The following GASK1A variants were observed in gnomAD, a reference collection of about 807,000 sequenced individuals.
The protein encoded by GASK1A is golgi associated kinase 1A, also known as Golgi-associated kinase 1A.
GASK1A carries 40 observed loss-of-function variants against 41.2 expected under a neutral mutation model. The ratio of observed to expected loss-of-function variants is 0.97; its 90% CI spans 0.75 to 1.27. The LOEUF (loss-of-function observed/expected upper bound fraction) is 1.27, where lower values mean the gene tolerates loss of function less well. Among genes scored for constraint, GASK1A ranks in the 50% most tolerant of loss-of-function variants. The pLI is 0.00. For synonymous variants in GASK1A, 316 were observed against 307.1 expected, an observed-to-expected ratio of 1.03 and a Z score of -0.30; for missense variants, 678 against 745.1, an observed-to-expected ratio of 0.91 and a Z score of 1.05.
intron 1 of GASK1A, among the ~76,000 whole-genome samples, chr3:42,987,307 G>A (rs769517046): frequency 3.3e-5 from 5 of 152,228 alleles, no homozygotes; most frequent in Non-Finnish European, 5.9e-5. Flanking sequence ...CACACAAAGT[G>A]GAGAGGAAGG....
chr3:43,015,107 CTG>C (rs1302400783), intron 1 of GASK1A, among the ~76,000 whole-genome samples: 1 of 135,774 alleles, frequency 7.4e-6, no homozygotes, highest in African/African-American at 2.8e-5. Context: ...GGAAGGGGCT[CTG>C]TGACATCACA....
At chr3:43,035,995 T>C (rs939498101) in intron 2 of GASK1A, among the ~76,000 whole-genome samples, 1 of 152,188 alleles carries the variant, frequency 6.6e-6, no homozygotes, top group Admixed American at 6.5e-5. Context: ...GGGATGCCTG[T>C]AGGGGTGTCC....
At chr3:43,031,272 G>T (rs2089574586) in intron 1 of GASK1A, among the ~76,000 whole-genome samples, 1 of 152,138 alleles carries the variant, frequency 6.6e-6, no homozygotes, top group African/African-American at 2.4e-5. Flanking sequence ...ACTCCCAACT[G>T]CAGGCTTGCA....
chr3:42,996,805 C>T (rs1028868438), intron 1 of GASK1A, among the ~76,000 whole-genome samples: 2 of 152,192 alleles, frequency 1.3e-5, no homozygotes, highest in Non-Finnish European at 2.9e-5. Flanking sequence ...TCCCTGTGAC[C>T]ATTTGGGTGT....
intron 1 of GASK1A, among the ~76,000 whole-genome samples, chr3:43,005,550 G>T (rs1437063577): frequency 3.9e-5 from 6 of 152,156 alleles, no homozygotes; most frequent in Non-Finnish European, 7.4e-5. Flanking sequence ...TTGGAGTACT[G>T]CATTGCCCAT....
chr3:43,042,435 A>G (rs990404298), intron 2 of GASK1A, among the ~76,000 whole-genome samples: 39 of 152,068 alleles, frequency 2.6e-4, no homozygotes, highest in African/African-American at 9.2e-4. Flanking sequence ...GTGAGCTGTG[A>G]TCATGCCACT....
rs116324858 is a variant in GASK1A at position 43,010,857 on chromosome 3, C to A, written c.4-21410C>A. ...TAAGCAGCAGAACCTGGGCAGACAG[C>A]CATGGACACATGGATGGCTCCTCCT... On this transcript the variant is annotated intron_variant, in intron 1 of 4. Transcript: ENST00000430121. Among the ~76,000 whole-genome samples the A allele has an allele frequency of 3.5e-3, 536 of 152,282 alleles. 3 individuals are homozygous for A. The highest frequency in any genetic ancestry group is 0.012 in the African/African-American group (511 of 41,554).
chr3:43,012,437 A>G (rs2089468405), intron 1 of GASK1A, among the ~76,000 whole-genome samples: 1 of 151,826 alleles, frequency 6.6e-6, no homozygotes, highest in South Asian at 2.1e-4. Context: ...GTTAAGCCAC[A>G]GGAAGGGGCA....
At chr3:43,043,486 T>C (rs555632840) in intron 2 of GASK1A, among the ~76,000 whole-genome samples, 2 of 152,324 alleles carry the variant, frequency 1.3e-5, no homozygotes, top group African/African-American at 4.8e-5. Flanking sequence ...CAATTTGTTC[T>C]TGCATCCAAA....
chr3:43,024,672 G>GAAC (rs888183535), intron 1 of GASK1A, among the ~76,000 whole-genome samples: 1 of 152,144 alleles, frequency 6.6e-6, no homozygotes, highest in Non-Finnish European at 1.5e-5. Flanking sequence ...ACAGGCCAGG[G>GAAC]AACAGTGTTT....
intron 1 of GASK1A, among the ~76,000 whole-genome samples, chr3:42,998,649 G>A (rs2089389710): frequency 1.3e-5 from 2 of 152,142 alleles, no homozygotes; most frequent in African/African-American, 4.8e-5. Context: ...GCAGGGGAGG[G>A]GGTCTCTGTC....
chr3:43,038,601 T>TA (rs34163186), intron 2 of GASK1A, among the ~76,000 whole-genome samples: 139,452 of 148,174 alleles, frequency 0.94, 65,846 homozygotes, highest in Non-Finnish European at 0.98. Flanking sequence ...CTTTGATCTT[T>TA]AAAAAAAAAA....
At chr3:42,983,795 G>T (rs2089293516) in intron 1 of GASK1A, among the ~76,000 whole-genome samples, 1 of 152,184 alleles carries the variant, frequency 6.6e-6, no homozygotes, top group Admixed American at 6.5e-5. Context: ...CCCAGGCTTT[G>T]TGCAGGGCTG....
At chr3:42,994,867 A>G (rs1047481130) in intron 1 of GASK1A, among the ~76,000 whole-genome samples, 3 of 152,160 alleles carry the variant, frequency 2.0e-5, no homozygotes, top group African/African-American at 7.2e-5. Context: ...TACATCTTAT[A>G]TTCAAATATC....
At chr3:43,046,906 G>A (rs1430478938) in intron 2 of GASK1A, among the ~76,000 whole-genome samples, 1 of 152,232 alleles carries the variant, frequency 6.6e-6, no homozygotes, top group Non-Finnish European at 1.5e-5. Context: ...CCTCCACGTG[G>A]TGTTGCACCT....
At chr3:43,029,187 C>A (rs1486286642) in intron 1 of GASK1A, among the ~76,000 whole-genome samples, 1 of 151,972 alleles carries the variant, frequency 6.6e-6, no homozygotes, top group Non-Finnish European at 1.5e-5. Flanking sequence ...ATTGGCATGT[C>A]CCACTGAGTC....
chr3:42,986,868 C>A (rs1294356985), intron 1 of GASK1A, among the ~76,000 whole-genome samples: 1 of 152,154 alleles, frequency 6.6e-6, no homozygotes. Context: ...GGCAGGAGAA[C>A]CTCCAGCCCT....
intron 2 of GASK1A, chr3:43,037,431 G>A (rs1186334894): frequency 2.8e-5 from 24 of 857,940 alleles, no homozygotes; most frequent in Admixed American, 6.4e-5. Context: ...GGAGGCAGCT[G>A]TCTTAAATAA....
Position 43,034,100 on chromosome 3 carries a change from A to G in GASK1A, c.1290+547A>G, listed in dbSNP as rs532182939. 2.6e-5 allele frequency among the ~76,000 whole-genome samples: 4 copies of G among 152,328 alleles called. No individual in the cohort carries two copies. The East Asian group carries it at 7.7e-4, about 29-fold the overall frequency. On this transcript the variant is annotated intron_variant, in intron 2 of 4. Transcript: ENST00000430121. Reference sequence around the variant, plus strand: ...CTACTCCTGGAGAGCTGATTGTTGAACATTTATCAGCATACCACTGTTTAT... The same window carrying G: ...CTACTCCTGGAGAGCTGATTGTTGAGCATTTATCAGCATACCACTGTTTAT...
Sources: gnomAD v4.1 joint callset for allele counts (sites outside exome capture counted in the v4.1 genomes callset) on GRCh38, gnomAD v4.1.1 for gene constraint, MANE v1.5 for transcripts, NCBI Gene and HGNC (gene_info 2026-07-23, HGNC 2026-07-21) for gene names.